NEDD4: variants seen among roughly 807,000 people sequenced by gnomAD.
NEDD4 encodes NEDD4 E3 ubiquitin protein ligase, also known as E3 ubiquitin-protein ligase NEDD4.
Under a neutral mutation model 144.9 loss-of-function variants are expected in NEDD4, and 99 were observed. That is an observed-to-expected ratio of 0.68 (90% CI 0.58 to 0.81). The LOEUF (loss-of-function observed/expected upper bound fraction) is 0.81, where lower values mean the gene tolerates loss of function less well. Among genes scored for constraint, NEDD4 ranks in the 30% least tolerant of loss-of-function variants. The probability of loss-of-function intolerance (pLI) is 0.00; values close to 1 mark genes in which losing one functional copy is unlikely to be tolerated. For synonymous variants in NEDD4, 318 were observed against 350.6 expected, an observed-to-expected ratio of 0.91 and a Z score of 1.04; for missense variants, 985 against 1,065.9, an observed-to-expected ratio of 0.92 and a Z score of 1.06.
chr15:55,876,844 TTTC>T (rs1262409223), intron 5 of NEDD4, among the ~76,000 whole-genome samples: 1 of 152,122 alleles, frequency 6.6e-6, no homozygotes, highest in Non-Finnish European at 1.5e-5. Context: ...ATTAAATGTT[TTTC>T]TTTTTTTTTC....
intron 5 of NEDD4, among the ~76,000 whole-genome samples, chr15:55,923,612 G>A (rs1273635823): frequency 2.8e-5 from 4 of 142,804 alleles, no homozygotes; most frequent in Non-Finnish European, 6.0e-5. Context: ...GAGCCACTGT[G>A]CTCCCACCTG....
intron 5 of NEDD4, among the ~76,000 whole-genome samples, chr15:55,913,160 G>C (rs1424273093): frequency 1.3e-5 from 2 of 152,086 alleles, no homozygotes; most frequent in Non-Finnish European, 2.9e-5. Context: ...CGGCTGCTCA[G>C]TACAGATAGC....
chr15:55,932,954 T>C (rs1173910663), intron 4 of NEDD4, among the ~76,000 whole-genome samples: 1 of 151,982 alleles, frequency 6.6e-6, no homozygotes, highest in Non-Finnish European at 1.5e-5. Context: ...AGAGTTTGCA[T>C]AAATGCAAAT....
intron 5 of NEDD4, among the ~76,000 whole-genome samples, chr15:55,879,804 TA>T (rs1289168264): frequency 2.0e-5 from 3 of 151,950 alleles, no homozygotes; most frequent in Admixed American, 6.6e-5. Context: ...AAGATAGAGT[TA>T]AAAAAATTCT....
intron 4 of NEDD4, among the ~76,000 whole-genome samples, chr15:55,942,686 G>A (rs929521998): frequency 7.9e-5 from 12 of 152,186 alleles, no homozygotes; most frequent in Non-Finnish European, 1.8e-4. Flanking sequence ...GTCTCAGGGA[G>A]TTCTTTATAG....
chr15:55,989,313 T>A (rs1000021830), intron 1 of NEDD4, among the ~76,000 whole-genome samples: 1 of 152,180 alleles, frequency 6.6e-6, no homozygotes, highest in South Asian at 2.1e-4. Flanking sequence ...CCCTGCTCCA[T>A]GAAAAATACT....
chr15:55,933,983 G>A (rs549841580), intron 4 of NEDD4, among the ~76,000 whole-genome samples: 26 of 152,208 alleles, frequency 1.7e-4, no homozygotes, highest in South Asian at 1.0e-3. Flanking sequence ...GTGAAACCTC[G>A]TCTCTACTAA....
In NEDD4 at chr15:55,877,334, GA is replaced by G. The variant is rs1444454823; in HGVS notation, c.292-3327del. Among the ~76,000 whole-genome samples the G allele has an allele frequency of 2.6e-5, 4 of 152,250 alleles. No individual in the cohort carries two copies. In the East Asian group the frequency reaches 7.7e-4, roughly 29 times the overall value. On this transcript the variant is annotated intron_variant, in intron 5 of 28. Transcript: ENST00000435532. ...TTTTGAGCAGTACTGACTAGTCATA[GA>G]ACATCCTTCTAATATTTCTTCATGG...
intron 5 of NEDD4, among the ~76,000 whole-genome samples, chr15:55,907,072 G>C (rs1208098656): frequency 4.0e-5 from 6 of 151,844 alleles, no homozygotes; most frequent in African/African-American, 1.4e-4. Context: ...TCCAGCCTGG[G>C]CGACAGAGCC....
Position 55,945,117 on chromosome 15 carries a change from C to A in NEDD4, c.237+6259G>T, listed in dbSNP as rs545004089. Among the ~76,000 whole-genome samples, 18 of 152,078 alleles carry A rather than the reference C, an allele frequency of 1.2e-4. 1 individual carries two copies. The East Asian group carries it at 2.5e-3, about 21-fold the overall frequency. ...GAGCGCATCTTCTCCTCCAAAGGAT[C>A]GCAGCCCCTCGCCAGCAACAGAACA... is the stretch of plus-strand genomic sequence containing the variant. On this transcript the variant is annotated intron_variant, in intron 4 of 28. Coordinates refer to ENST00000435532, the MANE Select transcript of NEDD4 (RefSeq NM_006154.4).
intron 5 of NEDD4, among the ~76,000 whole-genome samples, chr15:55,876,109 A>G (rs1330474715): frequency 1.3e-5 from 2 of 152,244 alleles, no homozygotes; most frequent in African/African-American, 4.8e-5. Flanking sequence ...GATATCTATA[A>G]GTGCTGAAAT....
rs752631416 is a variant in NEDD4 at position 55,981,041 on chromosome 15, C to CTT, written c.45+12468_45+12469dup. ...GCTAGGGAGGGATGCATATTTTTTC[C>CTT]TTTTTTTTTTTTTTGAGACGGAGTC... is the stretch of plus-strand genomic sequence containing the variant. On this transcript the variant is annotated intron_variant, in intron 1 of 28. Transcript: ENST00000435532. Among the ~76,000 whole-genome samples the CTT allele has an allele frequency of 2.6e-3, 375 of 142,024 alleles. 1 individual carries two copies. Among genetic ancestry groups the CTT allele is most frequent in the Non-Finnish European group, 4.6e-3 (300 of 64,778 alleles). The allele number at this position is 142,024 out of a possible 152,430, so 93.2% of individuals were successfully genotyped here.
intron 24 of NEDD4, 53 bp downstream of exon 24, chr15:55,837,736 C>T: frequency 7.3e-7 from 1 of 1,365,080 alleles, no homozygotes; most frequent in Non-Finnish European, 1.0e-6. Context: ...ATATTTGAAA[C>T]TTATAGGTTA....
rs772673092 is a variant in NEDD4 at position 55,993,498 on chromosome 15, G to A, written c.45+13C>T. 8.2e-6 allele frequency: 13 copies of A among 1,594,498 alleles called. No homozygotes were observed. The highest frequency in any genetic ancestry group is 7.7e-6 in the Non-Finnish European group (9 of 1,173,062). ...GAAGGGAAGCCCGCCCCGCAGCCCCGCGGTCCCCGCACCTCGTCCTCCAGG... is the reference window on the plus strand; with the variant it reads ...GAAGGGAAGCCCGCCCCGCAGCCCCACGGTCCCCGCACCTCGTCCTCCAGG... On this transcript the variant is annotated intron_variant, in intron 1 of 28. Coordinates refer to ENST00000435532, the MANE Select transcript of NEDD4 (RefSeq NM_006154.4).
chr15:55,916,658 T>C (rs1379476778), intron 5 of NEDD4: 1 of 1,614,032 alleles, frequency 6.2e-7, no homozygotes. Flanking sequence ...TTAACGGAGC[T>C]AGTGCAGTCT....
rs773091428 is a variant in NEDD4, at chr15:55,915,605, A to G, written c.291+9041T>C. Reference sequence around the variant, plus strand: ...TATGCATGAGCTTAATATACTCTGAATCAGAATTAAGCTTAATTTCTGACA... The same window carrying G: ...TATGCATGAGCTTAATATACTCTGAGTCAGAATTAAGCTTAATTTCTGACA... On this transcript the variant is annotated intron_variant, in intron 5 of 28. Transcript: ENST00000435532. 13 of 1,613,902 alleles carry G rather than the reference A, an allele frequency of 8.1e-6. No homozygotes were observed. The East Asian group carries it at 2.5e-4, about 30-fold the overall frequency.
chr15:55,978,938 ACAAG>A (rs2037749624), intron 1 of NEDD4, among the ~76,000 whole-genome samples: 1 of 145,388 alleles, frequency 6.9e-6, no homozygotes. Flanking sequence ...AAAAAAAAAA[ACAAG>A]AACAGAAAAC....
intron 1 of NEDD4, among the ~76,000 whole-genome samples, chr15:55,979,972 G>A (rs372638702): frequency 2.6e-5 from 4 of 151,452 alleles, no homozygotes; most frequent in East Asian, 2.0e-4. Context: ...GTGCAGTGGC[G>A]CAATCTCGGC....
chr15:55,830,398 T>A, intron 28 of NEDD4, 116 bp downstream of exon 28: 1 of 930,184 alleles, frequency 1.1e-6, no homozygotes, highest in Admixed American at 2.0e-5. Flanking sequence ...TTCTTACCCA[T>A]AATCCATACC....
Sources: allele counts gnomAD v4.1 joint callset (sites outside exome capture counted in the v4.1 genomes callset), GRCh38; gene constraint gnomAD v4.1.1; transcripts MANE v1.5; gene names NCBI Gene and HGNC (gene_info 2026-07-23, HGNC 2026-07-21).